ACSS3: variants seen among roughly 807,000 people sequenced by gnomAD.
The protein encoded by ACSS3 is acyl-CoA synthetase short-chain family member 3, mitochondrial.
ACSS3 carries 64 observed loss-of-function variants against 84.2 expected under a neutral mutation model. The ratio of observed to expected loss-of-function variants is 0.76; its 90% CI spans 0.62 to 0.94. The LOEUF (loss-of-function observed/expected upper bound fraction) is 0.94, where lower values mean the gene tolerates loss of function less well. Among genes scored for constraint, ACSS3 ranks in the 40% least tolerant of loss-of-function variants. ACSS3 has a pLI of 0.00. For synonymous variants in ACSS3, 317 were observed against 310.1 expected (o/e 1.02, Z -0.23); for missense variants, 815 against 867.6 (o/e 0.94, Z 0.76).
intron 8 of ACSS3, among the ~76,000 whole-genome samples, chr12:81,180,163 A>C (rs1424094656): frequency 2.0e-5 from 3 of 152,232 alleles, no homozygotes; most frequent in African/African-American, 7.2e-5. Flanking sequence ...TACTCTTCTA[A>C]GTGTGAGCTA....
At chr12:81,111,461 CA>C (rs1883580310) in intron 2 of ACSS3, among the ~76,000 whole-genome samples, 1 of 152,138 alleles carries the variant, frequency 6.6e-6, no homozygotes, top group Admixed American at 6.5e-5. Context: ...GCACGACTTG[CA>C]AAAAGCATGC....
At chr12:81,237,901 A>G (rs1027552943) in intron 13 of ACSS3, among the ~76,000 whole-genome samples, 6 of 151,670 alleles carry the variant, frequency 4.0e-5, no homozygotes, top group African/African-American at 1.4e-4. Flanking sequence ...TGTTGAAAAT[A>G]TAGTTGAGGG....
At chr12:81,232,287 C>G (rs773885743) in intron 12 of ACSS3, among the ~76,000 whole-genome samples, 1 of 151,776 alleles carries the variant, frequency 6.6e-6, no homozygotes, top group African/African-American at 2.4e-5. Context: ...TAAAAGCTCC[C>G]TCAAAGCCCC....
intron 8 of ACSS3, 138 bp from the exon 9 acceptor site, chr12:81,199,203 T>A: frequency 1.4e-6 from 1 of 700,566 alleles, no homozygotes; most frequent in Non-Finnish European, 2.3e-6. Flanking sequence ...CTCTCATCAT[T>A]ATACAGTGTG....
At chr12:81,078,547 A>T (rs1565964087) in intron 1 of ACSS3, 116 bp downstream of exon 1, 3 of 1,142,858 alleles carry the variant, frequency 2.6e-6, no homozygotes, top group Non-Finnish European at 3.8e-6. Context: ...GAAACTGGAG[A>T]TGTGTTCAGA....
intron 10 of ACSS3, among the ~76,000 whole-genome samples, chr12:81,218,623 A>G (rs991682957): frequency 1.3e-5 from 2 of 152,118 alleles, no homozygotes; most frequent in African/African-American, 2.4e-5. Flanking sequence ...CTCTGTTTAA[A>G]CAGTCTGTCA....
chr12:81,149,666 A>T (rs1426070276), intron 5 of ACSS3, among the ~76,000 whole-genome samples: 1 of 152,198 alleles, frequency 6.6e-6, no homozygotes, highest in African/African-American at 2.4e-5. Context: ...AAATAAAAGT[A>T]AGTGGGTATC....
chr12:81,243,428 T>C (rs2033878252), intron 13 of ACSS3, among the ~76,000 whole-genome samples: 1 of 152,146 alleles, frequency 6.6e-6, no homozygotes, highest in African/African-American at 2.4e-5. Flanking sequence ...AAAATGGCCA[T>C]ACTGCCCAAG....
chr12:81,122,273 T>A (rs998400936), intron 2 of ACSS3, among the ~76,000 whole-genome samples: 1 of 151,810 alleles, frequency 6.6e-6, no homozygotes, highest in African/African-American at 2.4e-5. Context: ...AACACAACGT[T>A]AAAAAATTCT....
At chr12:81,218,007 A>G (rs905935792) in intron 10 of ACSS3, among the ~76,000 whole-genome samples, 1 of 152,140 alleles carries the variant, frequency 6.6e-6, no homozygotes. Context: ...TTTATCTTGG[A>G]TGGCTCTCTC....
At chr12:81,228,707 C>T (rs534088505) in intron 11 of ACSS3, among the ~76,000 whole-genome samples, 2 of 151,760 alleles carry the variant, frequency 1.3e-5, no homozygotes, top group South Asian at 2.1e-4. Flanking sequence ...CCTCTTGGTC[C>T]TATCTATACA....
chr12:81,135,408 TATA>T (rs776270011), intron 3 of ACSS3, among the ~76,000 whole-genome samples: 3 of 139,116 alleles, frequency 2.2e-5, no homozygotes, highest in South Asian at 2.1e-4. Context: ...CTTAAATACA[TATA>T]ATAATATATA....
intron 3 of ACSS3, among the ~76,000 whole-genome samples, chr12:81,137,362 CA>C (rs1418603897): frequency 7.0e-6 from 1 of 143,460 alleles, no homozygotes; most frequent in Non-Finnish European, 1.5e-5. Flanking sequence ...CACACACACA[CA>C]CCCCTAATAC....
At chr12:81,136,273 A>G (rs958850077) in intron 3 of ACSS3, among the ~76,000 whole-genome samples, 1 of 152,176 alleles carries the variant, frequency 6.6e-6, no homozygotes, top group African/African-American at 2.4e-5. Context: ...AAAAATTTTA[A>G]TGGTAATTGA....
At chr12:81,104,922 A>G (rs1320653591) in intron 1 of ACSS3, 5 of 152,298 alleles carry the variant, frequency 3.3e-5, no homozygotes, top group South Asian at 2.1e-4. Flanking sequence ...GCTTTGTGAC[A>G]TGTATATATT....
chr12:81,144,931 C>T lies in ACSS3; in HGVS notation c.921+1684C>T, dbSNP rs1886258083. ...TTTTTTTTTTTTTTTGAGACAGTCT[C>T]CCTCTGTTGCCCAGGCTGGAGTGCA... On this transcript the variant is annotated intron_variant, in intron 5 of 15. Coordinates refer to ENST00000548058, the MANE Select transcript of ACSS3 (RefSeq NM_024560.4). Among the ~76,000 whole-genome samples, 8 of 125,490 alleles carry T rather than the reference C, an allele frequency of 6.4e-5. No homozygotes were observed. In the South Asian group the frequency reaches 1.7e-3, roughly 27 times the overall value. 82.3% of individuals were successfully genotyped at this position (125,490 alleles called of 152,430 possible).
intron 9 of ACSS3, 64 bp downstream of exon 9, chr12:81,199,508 G>A: frequency 6.5e-7 from 1 of 1,545,290 alleles, no homozygotes; most frequent in East Asian, 2.3e-5. Context: ...GCAAGGATTG[G>A]AGGAAACTTT....
intron 2 of ACSS3, among the ~76,000 whole-genome samples, chr12:81,120,874 T>C (rs1565987191): frequency 1.3e-5 from 2 of 152,234 alleles, no homozygotes; most frequent in African/African-American, 2.4e-5. Flanking sequence ...CTGAATAATA[T>C]TAACTTTATC....
At chr12:81,202,702 C>T (rs967817447) in intron 9 of ACSS3, among the ~76,000 whole-genome samples, 3 of 152,108 alleles carry the variant, frequency 2.0e-5, no homozygotes, top group Non-Finnish European at 1.5e-5. Context: ...CATGAATTTG[C>T]TCTCTGATTA....
Sources: gnomAD v4.1 joint callset for allele counts (sites outside exome capture counted in the v4.1 genomes callset) on GRCh38, gnomAD v4.1.1 for gene constraint, MANE v1.5 for transcripts, NCBI Gene and HGNC (gene_info 2026-07-23, HGNC 2026-07-21) for gene names.